Variants in TMEM132D observed in about 807,000 individuals in gnomAD.
TMEM132D encodes the protein transmembrane protein 132D.
In TMEM132D, 21 loss-of-function variants were observed where a neutral mutation model predicts 62.3. The observed-to-expected ratio is 0.34, with a 90% CI of 0.24 to 0.49. TMEM132D has a LOEUF of 0.49. Ranked by LOEUF, TMEM132D falls within the 20% of genes least tolerant of loss-of-function variation. The pLI is 0.99. For synonymous variants in TMEM132D, 621 were observed against 575.6 expected (o/e 1.08, Z -1.13); for missense variants, 1,346 against 1,402.8 (o/e 0.96, Z 0.65).
intron 1 of TMEM132D, among the ~76,000 whole-genome samples, chr12:129,790,599 G>T (rs1269981867): frequency 6.6e-6 from 1 of 152,164 alleles, no homozygotes; most frequent in African/African-American, 2.4e-5. Flanking sequence ...CATAAGTGGA[G>T]CCTGGGGTTT....
intron 4 of TMEM132D, among the ~76,000 whole-genome samples, chr12:129,299,381 A>C (rs978116008): frequency 2.0e-4 from 30 of 152,014 alleles, no homozygotes; most frequent in African/African-American, 7.2e-4. Context: ...TTTTTTATGG[A>C]AGTCAATAAA....
intron 5 of TMEM132D, among the ~76,000 whole-genome samples, chr12:129,141,447 T>C (rs1387864314): frequency 6.6e-6 from 1 of 152,162 alleles, no homozygotes; most frequent in Non-Finnish European, 1.5e-5. Context: ...TTGTTTTTGG[T>C]GTTCTGTATA....
At chr12:129,669,857 A>G (rs1880463820) in intron 2 of TMEM132D, among the ~76,000 whole-genome samples, 1 of 152,202 alleles carries the variant, frequency 6.6e-6, no homozygotes, top group East Asian at 1.9e-4. Context: ...CTGGAGTAAA[A>G]CTATAGATGA....
At position 129,185,746 on chromosome 12, in the gene TMEM132D, T is replaced by C. The variant is rs183001903; in HGVS notation, c.1443+23774A>G. On this transcript the variant is annotated intron_variant, in intron 5 of 8. Transcript: ENST00000422113. ...CTATCTGTCTATCTATCTATCTGCC[T>C]GTCTTTTATCCATCATCTGTCTGTC... Among the ~76,000 whole-genome samples, 42 of 150,372 alleles carry C rather than the reference T, an allele frequency of 2.8e-4. No homozygotes were observed. The East Asian group carries it at 4.7e-3, about 17-fold the overall frequency.
chr12:129,367,625 C>T (rs1312019765), intron 3 of TMEM132D, among the ~76,000 whole-genome samples: 1 of 152,022 alleles, frequency 6.6e-6, no homozygotes, highest in African/African-American at 2.4e-5. Context: ...TCTCCGCGGC[C>T]AAGAGGATGA....
chr12:129,702,392 A>C (rs1362268914), intron 1 of TMEM132D, among the ~76,000 whole-genome samples: 1 of 152,250 alleles, frequency 6.6e-6, no homozygotes, highest in Non-Finnish European at 1.5e-5. Flanking sequence ...ACATGTTTTA[A>C]CTTTATAGAA....
At chr12:129,576,150 T>C (rs1044308879) in intron 2 of TMEM132D, among the ~76,000 whole-genome samples, 1 of 151,948 alleles carries the variant, frequency 6.6e-6, no homozygotes, top group African/African-American at 2.4e-5. Context: ...CGTCTTTGCA[T>C]GCAAGCTCCG....
At chr12:129,133,301 AC>A (rs1333989633) in intron 5 of TMEM132D, among the ~76,000 whole-genome samples, 1 of 152,248 alleles carries the variant, frequency 6.6e-6, no homozygotes, top group African/African-American at 2.4e-5. Flanking sequence ...CATAACAAGA[AC>A]TATACACCTG....
At chr12:129,832,033 C>CTAT in intron 1 of TMEM132D, among the ~76,000 whole-genome samples, 1 of 72,900 alleles carries the variant, frequency 1.4e-5, no homozygotes, top group South Asian at 6.7e-4. Context: ...CCATGCCCGG[C>CTAT]TCTTTTTTTT....
At chr12:129,643,033 T>C (rs970176537) in intron 2 of TMEM132D, among the ~76,000 whole-genome samples, 2 of 150,730 alleles carry the variant, frequency 1.3e-5, no homozygotes, top group African/African-American at 2.4e-5. Context: ...CAAGGGATTC[T>C]CCCGCCTCAG....
chr12:129,172,468 G>A (rs1330651090), intron 5 of TMEM132D, among the ~76,000 whole-genome samples: 1 of 152,194 alleles, frequency 6.6e-6, no homozygotes, highest in Non-Finnish European at 1.5e-5. Flanking sequence ...GGCCTATCTT[G>A]GCTTTCCATC....
chr12:129,572,036 G>T (rs563763008), intron 2 of TMEM132D, among the ~76,000 whole-genome samples: 1 of 152,272 alleles, frequency 6.6e-6, no homozygotes, highest in South Asian at 2.1e-4. Flanking sequence ...GACCTCATCC[G>T]CAGGTACTCA....
At chr12:129,488,506 C>G (rs1874657592) in intron 3 of TMEM132D, among the ~76,000 whole-genome samples, 1 of 152,056 alleles carries the variant, frequency 6.6e-6, no homozygotes, top group African/African-American at 2.4e-5. Context: ...AACCCTGTCT[C>G]TATTAAAAAT....
chr12:129,594,171 G>A (rs753901), intron 2 of TMEM132D, among the ~76,000 whole-genome samples: 79,549 of 152,000 alleles, frequency 0.52, 21,001 homozygotes, highest in South Asian at 0.59. Flanking sequence ...GCTTCCCAGC[G>A]CTTTCCCTGG....
intron 2 of TMEM132D, among the ~76,000 whole-genome samples, chr12:129,683,788 CA>C (rs1880842378): frequency 6.6e-6 from 1 of 152,112 alleles, no homozygotes; most frequent in Non-Finnish European, 1.5e-5. Context: ...GTTCTCTCAC[CA>C]AACACACATC....
intron 3 of TMEM132D, among the ~76,000 whole-genome samples, chr12:129,387,710 T>C (rs1871151702): frequency 6.6e-6 from 1 of 151,696 alleles, no homozygotes; most frequent in Non-Finnish European, 1.5e-5. Flanking sequence ...CCAGCACTGA[T>C]GATAATATTA....
chr12:129,522,950 T>TTTTA (rs1555262674), intron 3 of TMEM132D, among the ~76,000 whole-genome samples: 6 of 149,488 alleles, frequency 4.0e-5, no homozygotes, highest in South Asian at 2.1e-4. Context: ...TAGACATAGA[T>TTTTA]TATATATATA....
chr12:129,392,340 G>A (rs1350770725), intron 3 of TMEM132D, among the ~76,000 whole-genome samples: 1 of 152,196 alleles, frequency 6.6e-6, no homozygotes, highest in Non-Finnish European at 1.5e-5. Flanking sequence ...TTACAGGCAT[G>A]AGCCACCGCC....
chr12:129,850,006 A>T (rs1376541114), intron 1 of TMEM132D, among the ~76,000 whole-genome samples: 3 of 152,350 alleles, frequency 2.0e-5, no homozygotes, highest in African/African-American at 7.2e-5. Flanking sequence ...GCATATAGCA[A>T]TAGTCTTCCA....
Sources: gnomAD v4.1 joint callset for allele counts (sites outside exome capture counted in the v4.1 genomes callset) on GRCh38, gnomAD v4.1.1 for gene constraint, MANE v1.5 for transcripts, NCBI Gene and HGNC (gene_info 2026-07-23, HGNC 2026-07-21) for gene names.